THOC7: variants seen among roughly 807,000 people sequenced by gnomAD.
THOC7 encodes NIF3L1-binding protein 1.
A neutral mutation model predicts 33.1 loss-of-function variants in THOC7; 22 were observed. The observed-to-expected ratio is 0.66, with a 90% confidence interval of 0.47 to 0.95. The LOEUF (loss-of-function observed/expected upper bound fraction) is 0.95, where lower values mean the gene tolerates loss of function less well. Ranked by LOEUF, THOC7 falls within the 40% of genes least tolerant of loss-of-function variation. THOC7 has a pLI of 0.00. For missense variants in THOC7, 184 were observed against 245.3 expected, an observed-to-expected ratio of 0.75 and a Z score of 1.67; for synonymous variants, 77 against 76.8, an observed-to-expected ratio of 1.00 and a Z score of -0.01.
chr3:63,855,222 A>G (rs1702093815), intron 1 of THOC7, among the ~76,000 whole-genome samples: 1 of 152,204 alleles, frequency 6.6e-6, no homozygotes, highest in South Asian at 2.1e-4. Flanking sequence ...CTATTATCAC[A>G]ATTCTAGAAC....
intron 1 of THOC7, among the ~76,000 whole-genome samples, chr3:63,847,803 A>G (rs1359964013): frequency 6.6e-6 from 1 of 152,232 alleles, no homozygotes; most frequent in East Asian, 1.9e-4. Flanking sequence ...AAAATTTCCA[A>G]AAGTTTAATG....
chr3:63,861,990 T>C (rs1236097755), intron 1 of THOC7, among the ~76,000 whole-genome samples: 1 of 151,956 alleles, frequency 6.6e-6, no homozygotes, highest in Non-Finnish European at 1.5e-5. Flanking sequence ...GGGGTCTCAC[T>C]ATGTTTTCCA....
Position 63,835,378 on chromosome 3 carries a change from A to G in THOC7, c.423T>C (p.Ala141=), listed in dbSNP as rs1248737613. The G allele has an allele frequency of 6.2e-7, 1 of 1,613,424 alleles. No homozygotes were observed. The highest frequency in any genetic ancestry group is 8.5e-7 in the Non-Finnish European group (1 of 1,179,736). The change falls in exon 6 of 8, where the codon GCT becomes GCC. Residue 141 remains alanine (A), a synonymous_variant. Coordinates refer to ENST00000295899, the MANE Select transcript of THOC7 (RefSeq NM_025075.4). ...DRHETLKELE[A]LGKELEHLSH... The stretch of plus-strand genomic sequence containing the variant: ...AAAGATGCTCTAATTCTTTTCCCAG[A>G]GCCTCTAGTTCCCTGGAAATAATAA...
chr3:63,863,861 A>T (rs1702311869), upstream of THOC7: 5 of 1,202,942 alleles, frequency 4.2e-6, no homozygotes, highest in South Asian at 2.1e-4. Context: ...CGGAGGTCAA[A>T]CTCCCACAAT....
intron 1 of THOC7, chr3:63,863,363 C>A: frequency 1.2e-6 from 1 of 848,144 alleles, no homozygotes; most frequent in Non-Finnish European, 1.4e-6. Flanking sequence ...GCACCACTGT[C>A]CACCCTTCGC....
chr3:63,848,144 G>A (rs1026853471), intron 1 of THOC7, among the ~76,000 whole-genome samples: 1 of 152,190 alleles, frequency 6.6e-6, no homozygotes, highest in Non-Finnish European at 1.5e-5. Context: ...GCCCTGCAAA[G>A]TTGTCTCATA....
At chr3:63,836,245 T>A (rs1437956704) in intron 5 of THOC7, 56 bp downstream of exon 5, 2 of 1,543,022 alleles carry the variant, frequency 1.3e-6, no homozygotes, top group African/African-American at 2.8e-5. Context: ...CTACGGTAGT[T>A]TTCGAGCATT....
chr3:63,836,181 T>G (rs959511146), intron 5 of THOC7, 120 bp downstream of exon 5: 4 of 861,748 alleles, frequency 4.6e-6, no homozygotes, highest in Admixed American at 2.7e-5. Context: ...AATATAATAT[T>G]GAATATCTGA....
intron 1 of THOC7, chr3:63,863,503 C>T (rs1702288843): frequency 8.4e-7 from 1 of 1,183,800 alleles, no homozygotes; most frequent in African/African-American, 1.6e-5. Context: ...TCCCGGCACA[C>T]CCTATAGCCC....
At chr3:63,860,245 G>A (rs1162687861) in intron 1 of THOC7, among the ~76,000 whole-genome samples, 1 of 151,178 alleles carries the variant, frequency 6.6e-6, no homozygotes, top group Non-Finnish European at 1.5e-5. Flanking sequence ...ATGTCTTGCT[G>A]TGTTGCTTAG....
intron 1 of THOC7, among the ~76,000 whole-genome samples, chr3:63,846,902 TG>T (rs1050440001): frequency 6.6e-6 from 1 of 152,162 alleles, no homozygotes. Context: ...AATTACAGTT[TG>T]AAAAGCCATT....
upstream of THOC7, chr3:63,864,052 GC>G (rs966848279): frequency 6.9e-6 from 1 of 145,478 alleles, no homozygotes; most frequent in Admixed American, 6.8e-5. Flanking sequence ...GCGAGGCTTG[GC>G]GGCCGGCGGC....
chr3:63,849,158 G>A (rs765528523), intron 1 of THOC7, among the ~76,000 whole-genome samples: 5 of 152,128 alleles, frequency 3.3e-5, no homozygotes, highest in Admixed American at 1.3e-4. Flanking sequence ...AGGCCAAGGC[G>A]GGTGGATCAT....
upstream of THOC7, chr3:63,863,932 G>A (rs1462124334): frequency 3.0e-5 from 16 of 526,962 alleles, no homozygotes; most frequent in East Asian, 2.3e-3. Context: ...CTGCTCCGAC[G>A]CCTGAGCCGC....
intron 5 of THOC7, among the ~76,000 whole-genome samples, 170 bp from the exon 6 acceptor site, chr3:63,835,560 TA>T (rs1425156345): frequency 6.6e-6 from 1 of 152,148 alleles, no homozygotes; most frequent in Non-Finnish European, 1.5e-5. Flanking sequence ...GATTTCTTCT[TA>T]ACTTCTAAAT....
intron 1 of THOC7, chr3:63,863,400 A>C: frequency 9.6e-7 from 1 of 1,039,632 alleles, no homozygotes; most frequent in Non-Finnish European, 1.2e-6. Flanking sequence ...CCGCGCCCCT[A>C]GACAAACCCG....
intron 1 of THOC7, 60 bp from the exon 2 acceptor site, chr3:63,839,833 C>T (rs1701721993): frequency 1.0e-5 from 14 of 1,333,450 alleles, no homozygotes; most frequent in Admixed American, 1.8e-5. Flanking sequence ...GTACAAATAA[C>T]CAGTATCACT....
intron 1 of THOC7, among the ~76,000 whole-genome samples, chr3:63,841,517 C>T (rs758364465): frequency 5.3e-4 from 80 of 152,160 alleles, no homozygotes; most frequent in Non-Finnish European, 1.0e-3. Flanking sequence ...TATTTTTGAG[C>T]GCAGGTGCAG....
intron 1 of THOC7, among the ~76,000 whole-genome samples, chr3:63,846,924 T>A (rs1478162169): frequency 6.6e-6 from 1 of 152,130 alleles, no homozygotes; most frequent in Non-Finnish European, 1.5e-5. Context: ...CCCCAAGTAT[T>A]TCAGCTCCAT....
Sources: allele counts gnomAD v4.1 joint callset (sites outside exome capture counted in the v4.1 genomes callset), GRCh38; gene constraint gnomAD v4.1.1; transcripts MANE v1.5; gene names NCBI Gene and HGNC (gene_info 2026-07-23, HGNC 2026-07-21).